The following PRDM16 variants were observed in gnomAD, a reference collection of about 807,000 sequenced individuals.
The protein encoded by PRDM16 is PR/SET domain 16, also known as histone-lysine N-methyltransferase PRDM16.
In PRDM16, 23 loss-of-function variants were observed where a neutral mutation model predicts 110.6. The observed-to-expected ratio is 0.21, with a 90% CI of 0.15 to 0.29. PRDM16 has a LOEUF of 0.29. Among genes scored for constraint, PRDM16 ranks in the 10% least tolerant of loss-of-function variants. The pLI is 1.00. For synonymous variants in PRDM16, 799 were observed against 781.8 expected (o/e 1.02, Z -0.37); for missense variants, 1,615 against 1,794.3 (o/e 0.90, Z 1.81).
At chr1:3,264,165 T>C (rs1640232085) in intron 3 of PRDM16, among the ~76,000 whole-genome samples, 1 of 152,126 alleles carries the variant, frequency 6.6e-6, no homozygotes, top group Non-Finnish European at 1.5e-5. Context: ...ACACGAGCAG[T>C]TACAATAACA....
At chr1:3,164,687 G>C (rs536157202) in intron 1 of PRDM16, among the ~76,000 whole-genome samples, 1 of 152,146 alleles carries the variant, frequency 6.6e-6, no homozygotes, top group Non-Finnish European at 1.5e-5. Context: ...CGGCGTGGTC[G>C]AGCGAGGTGA....
intron 1 of PRDM16, among the ~76,000 whole-genome samples, chr1:3,182,500 G>C (rs964592607): frequency 6.6e-6 from 1 of 152,196 alleles, no homozygotes; most frequent in Non-Finnish European, 1.5e-5. Flanking sequence ...GGGTCTCTTG[G>C]GAGATGGTGG....
chr1:3,302,993 T>C (rs1043758446), intron 3 of PRDM16, among the ~76,000 whole-genome samples: 1 of 152,208 alleles, frequency 6.6e-6, no homozygotes, highest in Non-Finnish European at 1.5e-5. Context: ...CTCAACTGTA[T>C]AAATAAAAAC....
In PRDM16 at chr1:3,417,922, C is replaced by T. The variant is rs145632008; in HGVS notation, c.2786C>T (p.Pro929Leu). The change falls in exon 11 of 17, where the codon CCC becomes CTC. Residue 929 changes from proline to leucine, a missense_variant. Pro to Leu is a moderately conservative substitution (Grantham distance 98). Transcript: ENST00000270722. ...TCCCTGCAGCCCCTCCCCCACCACCCCTTCAACTTCCGGTCCCCACCCCCA... is the reference window on the plus strand; with the variant it reads ...TCCCTGCAGCCCCTCCCCCACCACCTCTTCAACTTCCGGTCCCCACCCCCA... The part of the protein sequence containing the change: ...GSSLQPLPHH[P>L]FNFRSPPPTL... The T allele has an allele frequency of 6.2e-7, 1 of 1,612,466 alleles. No individual in the cohort carries two copies. Among genetic ancestry groups the T allele is most frequent in the Non-Finnish European group, 8.5e-7 (1 of 1,179,066 alleles).
chr1:3,314,863 T>C (rs371492126), intron 3 of PRDM16, among the ~76,000 whole-genome samples: 14 of 152,304 alleles, frequency 9.2e-5, no homozygotes, highest in African/African-American at 2.6e-4. Context: ...CTTCGCCCTA[T>C]TCATCTTGGA....
chr1:3,074,217 G>T (rs1234875607), intron 1 of PRDM16, among the ~76,000 whole-genome samples: 1 of 152,230 alleles, frequency 6.6e-6, no homozygotes, highest in Non-Finnish European at 1.5e-5. Flanking sequence ...GGAAGACAGA[G>T]TGCAGGCGAG....
rs2100575910 is a variant in PRDM16 at position 3,370,277 on chromosome 1, T to C, written c.439-14875T>C. Among the ~76,000 whole-genome samples, 1 of 152,266 alleles carries C rather than the reference T, an allele frequency of 6.6e-6. No homozygotes were observed. The highest frequency in any genetic ancestry group is 1.9e-4 in the East Asian group (1 of 5,182). Reference sequence around the variant, plus strand: ...AATGATCTGGAAAATGTTGCAACTCTGATTTCCAGAGAGGCAAGTAACCAG... The same window carrying C: ...AATGATCTGGAAAATGTTGCAACTCCGATTTCCAGAGAGGCAAGTAACCAG... On this transcript the variant is annotated intron_variant, in intron 3 of 16. Transcript: ENST00000270722. The surrounding 1 kb of genome is among the most constrained non-coding windows in gnomAD (Gnocchi z 4.8).
At chr1:3,381,370 A>G (rs1177755196) in intron 3 of PRDM16, among the ~76,000 whole-genome samples, 1 of 151,478 alleles carries the variant, frequency 6.6e-6, no homozygotes, top group Non-Finnish European at 1.5e-5. Flanking sequence ...CTGGAAGTCA[A>G]GATGAAGCCA....
chr1:3,095,744 C>G (rs1270865308), intron 1 of PRDM16, among the ~76,000 whole-genome samples: 1 of 151,930 alleles, frequency 6.6e-6, no homozygotes, highest in Non-Finnish European at 1.5e-5. Flanking sequence ...GGGCAGGGGT[C>G]AGTGTGGGAG....
Position 3,098,122 on chromosome 1 carries a change from G to T in PRDM16, c.37+28826G>T, listed in dbSNP as rs796906661. ...ACTGAGGCCTCCTGTCAGTGTGCTG[G>T]GGGCTGAGCCTTCACTGAGCCGTGT... On this transcript the variant is annotated intron_variant, in intron 1 of 16. Transcript: ENST00000270722. 1.1e-3 allele frequency among the ~76,000 whole-genome samples: 174 copies of T among 152,280 alleles called. 1 individual carries two copies. The highest frequency in any genetic ancestry group is 3.9e-3 in the African/African-American group (163 of 41,576).
intron 1 of PRDM16, among the ~76,000 whole-genome samples, chr1:3,142,487 C>T (rs1173252024): frequency 1.3e-5 from 2 of 152,110 alleles, no homozygotes; most frequent in African/African-American, 2.4e-5. Context: ...TCCTTGGTCT[C>T]GGGGCAGGCG....
rs796559627 is a variant in PRDM16, at chr1:3,414,715, G to C, written c.2691+68G>C. ...CCAGTGGCCCCATCTCCCGGCTGTC[G>C]AGGCTCAGTGGCCAGGCTGGAGCCT... On this transcript the variant is annotated intron_variant, in intron 10 of 16. Coordinates refer to ENST00000270722, the MANE Select transcript of PRDM16 (RefSeq NM_022114.4). 6 of 1,252,436 alleles carry C rather than the reference G, an allele frequency of 4.8e-6. No individual in the cohort carries two copies. In the African/African-American group the frequency reaches 7.3e-5, roughly 15 times the overall value. The allele number at this position is 1,252,436 out of a possible 1,614,324, so 77.6% of individuals were successfully genotyped here. A position where few individuals can be genotyped will look rare whatever the true frequency, so the allele number is the denominator to read the frequency against.
At chr1:3,292,733 C>T (rs947933690) in intron 3 of PRDM16, among the ~76,000 whole-genome samples, 4 of 152,288 alleles carry the variant, frequency 2.6e-5, no homozygotes, top group East Asian at 3.9e-4. Flanking sequence ...ACAGGGGTCA[C>T]GGAATTGGCG....
At chr1:3,230,802 A>T (rs1031521824) in intron 2 of PRDM16, among the ~76,000 whole-genome samples, 1 of 152,134 alleles carries the variant, frequency 6.6e-6, no homozygotes, top group Non-Finnish European at 1.5e-5. Context: ...GTGCGACCGC[A>T]CTGCAGCCTC....
At chr1:3,236,790 T>C (rs907050105) in intron 2 of PRDM16, among the ~76,000 whole-genome samples, 1 of 152,218 alleles carries the variant, frequency 6.6e-6, no homozygotes, top group East Asian at 1.9e-4. Context: ...AGCCCCTTCC[T>C]CTTCTGCACA....
intron 2 of PRDM16, among the ~76,000 whole-genome samples, chr1:3,192,222 A>T (rs1638329885): frequency 6.6e-6 from 1 of 152,134 alleles, no homozygotes; most frequent in Middle Eastern, 3.2e-3. Context: ...GCCTCTAAGG[A>T]TGGGGATCAT....
intron 8 of PRDM16, among the ~76,000 whole-genome samples, chr1:3,408,799 T>TGG (rs1643611505): frequency 7.1e-6 from 1 of 141,742 alleles, no homozygotes; most frequent in Non-Finnish European, 1.5e-5. Flanking sequence ...CCGGTGCGTG[T>TGG]GTGTGAGCGC....
chr1:3,247,994 C>T (rs897586208), intron 3 of PRDM16, among the ~76,000 whole-genome samples: 2 of 152,222 alleles, frequency 1.3e-5, no homozygotes, highest in Non-Finnish European at 2.9e-5. Flanking sequence ...GGGCGCGCAG[C>T]TCCCTGGAGA....
intron 6 of PRDM16, 114 bp from the exon 7 acceptor site, chr1:3,404,625 G>A (rs760119123): frequency 9.6e-5 from 125 of 1,306,478 alleles, no homozygotes; most frequent in Middle Eastern, 2.0e-4. Flanking sequence ...CTGATCCCTC[G>A]GCAGCGTGGT....
Sources: gnomAD v4.1 joint callset for allele counts (sites outside exome capture counted in the v4.1 genomes callset) on GRCh38, gnomAD v4.1.1 for gene constraint, Gnocchi (gnomAD v3.1) non-coding constraint, MANE v1.5 for transcripts, NCBI Gene and HGNC (gene_info 2026-07-23, HGNC 2026-07-21) for gene names.